Variants in PDE11A observed in about 807,000 individuals in gnomAD.
The protein encoded by PDE11A is dual 3',5'-cyclic-AMP and -GMP phosphodiesterase 11A.
A neutral mutation model predicts 100.5 loss-of-function variants in PDE11A; 100 were observed. The ratio of observed to expected loss-of-function variants is 1.00; its 90% CI spans 0.85 to 1.18. The LOEUF is 1.18. PDE11A is among the 50% of genes most tolerant of loss of function. PDE11A has a pLI of 0.00. For synonymous variants in PDE11A, 381 were observed against 420.8 expected (o/e 0.91, Z 1.16); for missense variants, 1,141 against 1,152.6 (o/e 0.99, Z 0.15).
intron 6 of PDE11A, among the ~76,000 whole-genome samples, chr2:177,822,845 G>A (rs1003082078): frequency 2.6e-5 from 4 of 151,918 alleles, no homozygotes; most frequent in African/African-American, 9.7e-5. Context: ...TCATGTTATT[G>A]TAAATAACAG....
At chr2:177,834,348 C>G (rs910710236) in intron 6 of PDE11A, among the ~76,000 whole-genome samples, 3 of 152,256 alleles carry the variant, frequency 2.0e-5, no homozygotes, top group African/African-American at 7.2e-5. Flanking sequence ...CTGCCCCCTT[C>G]CCCACCCCAT....
intron 10 of PDE11A, among the ~76,000 whole-genome samples, chr2:177,739,116 G>A (rs2081835820): frequency 6.6e-6 from 1 of 152,234 alleles, no homozygotes; most frequent in South Asian, 2.1e-4. Context: ...CAAGGCCTGT[G>A]AAATGGTAGA....
Position 178,072,312 on chromosome 2 carries a change from G to A in PDE11A, c.126C>T (p.His42=), listed in dbSNP as rs2087145558. The A allele has an allele frequency of 6.2e-7, 1 of 1,613,978 alleles. No homozygotes were observed. The highest frequency in any genetic ancestry group is 1.3e-5 in the African/African-American group (1 of 74,932). ...QEMVEKWLQR[H]SQGQGALGPR... ...GACCTAAAGCCCCCTGACCCTGACT[G>A]TGCCTCTGCAGCCACTTTTCAACCA... is the stretch of plus-strand genomic sequence containing the variant. Residue 42 remains histidine (H), a synonymous_variant, in exon 1 of 20, where the codon CAC becomes CAT. Coordinates refer to ENST00000286063, the MANE Select transcript of PDE11A (RefSeq NM_016953.4).
chr2:177,770,894 A>G (rs549794946), intron 9 of PDE11A, among the ~76,000 whole-genome samples: 174 of 152,290 alleles, frequency 1.1e-3, no homozygotes, highest in South Asian at 6.2e-3. Context: ...TAGTGTGATC[A>G]TAGCTCACTG....
In PDE11A at chr2:177,701,127, T is replaced by C; in HGVS notation, c.2238A>G (p.Gln746=). The change falls in exon 14 of 20, where the codon CAA becomes CAG. Residue 746 remains glutamine (Q), a synonymous_variant. Transcript: ENST00000286063. ...HHFNHAVMIL[Q]SEGHNIFANL... The stretch of plus-strand genomic sequence containing the variant: ...CAGAACATCAGGCCTGTACCTCACT[T>C]TGAAGGATCATCACGGCGTGGTTGA... 1 of 1,575,822 alleles carries C rather than the reference T, an allele frequency of 6.3e-7. No homozygotes were observed. Among genetic ancestry groups the C allele is most frequent in the Non-Finnish European group, 8.7e-7 (1 of 1,145,040 alleles).
intron 1 of PDE11A, among the ~76,000 whole-genome samples, chr2:178,043,217 C>A (rs1224452722): frequency 6.6e-6 from 1 of 152,122 alleles, no homozygotes; most frequent in Non-Finnish European, 1.5e-5. Context: ...ATTTCCCTAA[C>A]AGACAGTATC....
In PDE11A at chr2:177,899,189, C is replaced by T. The variant is rs376696604; in HGVS notation, c.1162-991G>A. On this transcript the variant is annotated intron_variant, in intron 3 of 19. Transcript: ENST00000286063. ...TTGGGAGGCCAAGGAAGGTGGATCA[C>T]AAAGTCAGGAGTTTGAGACCAGCCT... is the stretch of plus-strand genomic sequence containing the variant. Among the ~76,000 whole-genome samples the T allele has an allele frequency of 3.9e-5, 6 of 152,050 alleles. No individual in the cohort carries two copies. In the East Asian group the frequency reaches 9.6e-4, roughly 24 times the overall value.
In PDE11A at chr2:177,912,021, TAAAAA is replaced by T. The variant is rs373088797; in HGVS notation, c.1072-6839_1072-6835del. Among the ~76,000 whole-genome samples, 24 of 151,846 alleles carry T rather than the reference TAAAAA, an allele frequency of 1.6e-4. No homozygotes were observed. In the East Asian group the frequency reaches 4.7e-3, roughly 29 times the overall value. ...AGACAAGGGAGAACAAGAGGGCAAA[TAAAAA>T]AGAAGGAGAAGCTTTGTTTTTTGGA... is the stretch of plus-strand genomic sequence containing the variant. On this transcript the variant is annotated intron_variant, in intron 2 of 19. Transcript: ENST00000286063.
At chr2:177,969,989 A>C (rs1412994383) in intron 2 of PDE11A, among the ~76,000 whole-genome samples, 1 of 152,220 alleles carries the variant, frequency 6.6e-6, no homozygotes, top group East Asian at 1.9e-4. Context: ...GAATGGTATC[A>C]TATGGGGAAC....
chr2:177,957,910 C>CTTTTTTTTGTTTTTTTTTTTT lies in PDE11A; in HGVS notation c.1072-52724_1072-52723insAAAAAAAAAAAACAAAAAAAA, dbSNP rs2085585449. 1.7e-5 allele frequency among the ~76,000 whole-genome samples: 2 copies of CTTTTTTTTGTTTTTTTTTTTT among 114,468 alleles called. 1 individual carries two copies. The highest frequency in any genetic ancestry group is 3.4e-5 in the Non-Finnish European group (2 of 58,392). 75.1% of individuals were successfully genotyped at this position (114,468 alleles called of 152,430 possible). On this transcript the variant is annotated intron_variant, in intron 2 of 19. Transcript: ENST00000286063. ...TCCTTTACCTTTGTTTTTCCAATGC[C>CTTTTTTTTGTTTTTTTTTTTT]TTTTTTTTGAGACGGAGTCTCTTGC...
intron 5 of PDE11A, among the ~76,000 whole-genome samples, chr2:177,866,750 C>G (rs1271921305): frequency 6.6e-6 from 1 of 152,196 alleles, no homozygotes; most frequent in Non-Finnish European, 1.5e-5. Context: ...TCCAAGGTGC[C>G]TAATTCGAAG....
At chr2:177,724,483 G>C (rs1372204959) in intron 12 of PDE11A, among the ~76,000 whole-genome samples, 2 of 152,064 alleles carry the variant, frequency 1.3e-5, no homozygotes, top group East Asian at 3.9e-4. Context: ...TTTATAATTT[G>C]CTTGTCCTGT....
intron 12 of PDE11A, among the ~76,000 whole-genome samples, chr2:177,722,065 G>A (rs1435538496): frequency 1.3e-5 from 2 of 152,066 alleles, no homozygotes; most frequent in African/African-American, 2.4e-5. Context: ...TTTGGCTGGC[G>A]TCATAAAACA....
intron 19 of PDE11A, among the ~76,000 whole-genome samples, chr2:177,634,404 T>TTG (rs61591654): frequency 5.2e-4 from 78 of 150,940 alleles, no homozygotes; most frequent in Non-Finnish European, 7.2e-4. Flanking sequence ...TTTTTTTTTT[T>TTG]GTGAGAAGGA....
chr2:177,701,046 CAAAG>C, intron 14 of PDE11A, 71 bp downstream of exon 14: 1 of 860,964 alleles, frequency 1.2e-6, no homozygotes, highest in Non-Finnish European at 2.0e-6. Flanking sequence ...TGTGGCACCA[CAAAG>C]GAAGAGAGGG....
chr2:178,093,910 C>T (rs1429924556), intron 2 of PDE11A, among the ~76,000 whole-genome samples: 2 of 152,156 alleles, frequency 1.3e-5, no homozygotes, highest in Non-Finnish European at 2.9e-5. Flanking sequence ...TAACCCCAGG[C>T]CTGCCAGTCT....
At chr2:177,998,326 C>G (rs1222288713) in intron 2 of PDE11A, 10 of 808,166 alleles carry the variant, frequency 1.2e-5, no homozygotes, top group Non-Finnish European at 2.2e-5. Flanking sequence ...ATTGCTCATT[C>G]TCTAACAATG....
chr2:177,790,672 T>A (rs1245395543), intron 9 of PDE11A, among the ~76,000 whole-genome samples: 3 of 151,950 alleles, frequency 2.0e-5, no homozygotes, highest in Non-Finnish European at 2.9e-5. Flanking sequence ...GAATCTACAA[T>A]AAACTCAAAC....
At chr2:177,881,297 TC>T (rs77939521) in intron 4 of PDE11A, among the ~76,000 whole-genome samples, 1,714 of 151,012 alleles carry the variant, frequency 0.011, 26 homozygotes, top group East Asian at 0.075. Context: ...GTGAGCCAAT[TC>T]CTAGAATAAA....
Sources: allele counts gnomAD v4.1 joint callset (sites outside exome capture counted in the v4.1 genomes callset), GRCh38; gene constraint gnomAD v4.1.1; transcripts MANE v1.5; gene names NCBI Gene and HGNC (gene_info 2026-07-23, HGNC 2026-07-21).